Variants in MARCHF8 observed in about 807,000 individuals in gnomAD.
MARCHF8 encodes the protein E3 ubiquitin-protein ligase MARCHF8.
MARCHF8 carries 40 observed loss-of-function variants against 51.6 expected under a neutral mutation model. The observed-to-expected ratio is 0.77, with a 90% confidence interval of 0.60 to 1.01. MARCHF8 has a LOEUF of 1.01. MARCHF8 is among the 50% of genes least tolerant of loss of function. The pLI, the probability that MARCHF8 is intolerant of heterozygous loss-of-function variation, is 0.00. For synonymous variants in MARCHF8, 263 were observed against 280.3 expected (o/e 0.94, Z 0.62); for missense variants, 685 against 708.6 (o/e 0.97, Z 0.38).
intron 1 of MARCHF8, among the ~76,000 whole-genome samples, chr10:45,558,716 A>G (rs182687274): frequency 6.6e-6 from 1 of 152,350 alleles, no homozygotes; most frequent in Admixed American, 6.5e-5. Context: ...ACAAACATAC[A>G]TATGTGTATG....
At chr10:45,518,107 G>A (rs1033350476) in intron 2 of MARCHF8, among the ~76,000 whole-genome samples, 1 of 152,174 alleles carries the variant, frequency 6.6e-6, no homozygotes, top group Non-Finnish European at 1.5e-5. Flanking sequence ...TCGTATCTCA[G>A]GTGTCTCATA....
At chr10:45,557,683 T>C (rs903460614) in intron 1 of MARCHF8, among the ~76,000 whole-genome samples, 6 of 152,090 alleles carry the variant, frequency 3.9e-5, no homozygotes, top group African/African-American at 1.4e-4. Context: ...TCAGGGTCAC[T>C]CTAAACGGAA....
chr10:45,578,562 A>G (rs2044515724), intron 1 of MARCHF8, among the ~76,000 whole-genome samples: 1 of 152,226 alleles, frequency 6.6e-6, no homozygotes, highest in African/African-American at 2.4e-5. Flanking sequence ...ACTGGACGCT[A>G]AAACTAGTGG....
intron 2 of MARCHF8, among the ~76,000 whole-genome samples, chr10:45,507,195 G>A (rs1410866605): frequency 6.6e-6 from 1 of 152,142 alleles, no homozygotes; most frequent in Non-Finnish European, 1.5e-5. Flanking sequence ...TGGCAGGCAG[G>A]TACAACACTA....
At chr10:45,525,814 T>A (rs922420975) in intron 2 of MARCHF8, among the ~76,000 whole-genome samples, 5 of 152,154 alleles carry the variant, frequency 3.3e-5, no homozygotes, top group Admixed American at 2.0e-4. Context: ...ACAATTCCCA[T>A]AGAAGGACAT....
intron 2 of MARCHF8, among the ~76,000 whole-genome samples, chr10:45,522,477 C>G (rs1451194651): frequency 1.4e-5 from 2 of 143,284 alleles, no homozygotes; most frequent in African/African-American, 5.0e-5. Flanking sequence ...CCTTGGGTAA[C>G]AATCCTGGGG....
intron 2 of MARCHF8, among the ~76,000 whole-genome samples, chr10:45,503,372 C>A (rs2043316804): frequency 2.0e-5 from 3 of 151,872 alleles, no homozygotes; most frequent in Admixed American, 2.0e-4. Context: ...CCCGTCTCTA[C>A]TAAAAATACA....
At chr10:45,507,431 G>C (rs2043406613) in intron 2 of MARCHF8, among the ~76,000 whole-genome samples, 2 of 152,196 alleles carry the variant, frequency 1.3e-5, no homozygotes, top group South Asian at 2.1e-4. Context: ...TGCTTCCAGA[G>C]AGACACTCAA....
chr10:45,474,259 T>G (rs2042746543), intron 3 of MARCHF8, among the ~76,000 whole-genome samples: 1 of 152,182 alleles, frequency 6.6e-6, no homozygotes, highest in African/African-American at 2.4e-5. Context: ...GTGGGGGCAG[T>G]GGTGGCACAG....
intron 3 of MARCHF8, among the ~76,000 whole-genome samples, chr10:45,473,208 C>T (rs1468151047): frequency 6.6e-6 from 1 of 152,134 alleles, no homozygotes; most frequent in Non-Finnish European, 1.5e-5. Context: ...ATTCAGGAGG[C>T]CTAGGAGGGT....
chr10:45,482,032 C>A (rs565160361), intron 3 of MARCHF8, among the ~76,000 whole-genome samples: 3 of 151,724 alleles, frequency 2.0e-5, no homozygotes, highest in Admixed American at 6.6e-5. Flanking sequence ...AATGAACTAG[C>A]GGAGAAAGAA....
At chr10:45,510,584 G>C (rs949497046) in intron 2 of MARCHF8, among the ~76,000 whole-genome samples, 2 of 151,976 alleles carry the variant, frequency 1.3e-5, no homozygotes, top group African/African-American at 4.8e-5. Context: ...AACAAACTAA[G>C]GTAATTTATT....
At chr10:45,490,014 G>T (rs550467295) in intron 2 of MARCHF8, among the ~76,000 whole-genome samples, 2 of 152,192 alleles carry the variant, frequency 1.3e-5, no homozygotes, top group Non-Finnish European at 2.9e-5. Context: ...TCCACATTCA[G>T]TCACATAGTC....
In MARCHF8 at chr10:45,577,428, G is replaced by A. The variant is rs149709008; in HGVS notation, c.-79+16807C>T. On this transcript the variant is annotated intron_variant, in intron 1 of 6. Transcript: ENST00000319836. ...TGAGGGGATGTATACCCTATTTGCC[G>A]CGATATGATTATTTCACATTGCATG... Among the ~76,000 whole-genome samples the A allele has an allele frequency of 8.1e-4, 123 of 152,144 alleles. 1 individual carries two copies. In the East Asian group the frequency reaches 0.016, roughly 19 times the overall value.
intron 2 of MARCHF8, among the ~76,000 whole-genome samples, chr10:45,524,935 G>A (rs1431086892): frequency 6.6e-6 from 1 of 152,212 alleles, no homozygotes; most frequent in East Asian, 1.9e-4. Flanking sequence ...TAAACTGGGA[G>A]TTTGCCCACA....
chr10:45,575,579 T>C (rs34176769), intron 1 of MARCHF8, among the ~76,000 whole-genome samples: 9,384 of 152,172 alleles, frequency 0.062, 332 homozygotes, highest in Non-Finnish European at 0.067. Flanking sequence ...CCCATGCCGC[T>C]CCTAATCCCG....
At chr10:45,568,244 A>T (rs531494742) in intron 1 of MARCHF8, among the ~76,000 whole-genome samples, 16 of 152,306 alleles carry the variant, frequency 1.1e-4, no homozygotes, top group Non-Finnish European at 2.2e-4. Context: ...CTTCCTTTCC[A>T]ATCTGGATAC....
chr10:45,519,055 CT>C lies in MARCHF8; in HGVS notation c.102+14054del, dbSNP rs531582264. Among the ~76,000 whole-genome samples the C allele has an allele frequency of 3.9e-5, 6 of 152,298 alleles. No homozygotes were observed. In the South Asian group the frequency reaches 1.2e-3, roughly 32 times the overall value. The stretch of plus-strand genomic sequence containing the variant: ...AAGGGAGTCTACACACACAAAAAAA[CT>C]TCTGACAGATTTCACCAACTGCTGT... On this transcript the variant is annotated intron_variant, in intron 2 of 7. Coordinates refer to ENST00000453424, the MANE Select transcript of MARCHF8 (RefSeq NM_001282866.2).
chr10:45,512,652 C>T (rs1198694207), intron 2 of MARCHF8, among the ~76,000 whole-genome samples: 9 of 151,500 alleles, frequency 5.9e-5, no homozygotes, highest in African/African-American at 9.7e-5. Context: ...AGGTGAGGGG[C>T]GCCTCTGCCC....
Sources: allele counts gnomAD v4.1 joint callset (sites outside exome capture counted in the v4.1 genomes callset), GRCh38; gene constraint gnomAD v4.1.1; transcripts MANE v1.5; gene names NCBI Gene and HGNC (gene_info 2026-07-23, HGNC 2026-07-21).